Variants in LGALS2 observed in about 807,000 individuals in gnomAD.
LGALS2 encodes the protein galectin-2.
In LGALS2, 7 loss-of-function variants were observed where a neutral mutation model predicts 10.1. That is an observed-to-expected ratio of 0.70 (90% CI 0.40 to 1.31). LGALS2 has a LOEUF of 1.31. LGALS2 is among the 50% of genes most tolerant of loss of function. The pLI is 0.01. For missense variants in LGALS2, 167 were observed against 163.6 expected (o/e 1.02, Z -0.11); for synonymous variants, 86 against 64.2 (o/e 1.34, Z -1.63).
At chr22:37,578,472 GA>G (rs1925751589) in intron 1 of LGALS2, among the ~76,000 whole-genome samples, 2 of 152,168 alleles carry the variant, frequency 1.3e-5, no homozygotes, top group Non-Finnish European at 2.9e-5. Flanking sequence ...ACCTGTAGCA[GA>G]AAAGGTCTCA....
chr22:37,571,398 G>A lies in LGALS2; in HGVS notation c.89+451C>T, dbSNP rs145551279. On this transcript the variant is annotated intron_variant, in intron 2 of 3. Coordinates refer to ENST00000215886, the MANE Select transcript of LGALS2 (RefSeq NM_006498.3). Reference sequence around the variant, plus strand: ...TCGCTGGACTGTGACTCACGGAGGTGGTGAGGCCGCTGGTTCTAACCAAGA... The same window carrying A: ...TCGCTGGACTGTGACTCACGGAGGTAGTGAGGCCGCTGGTTCTAACCAAGA... 1.1e-3 allele frequency among the ~76,000 whole-genome samples: 175 copies of A among 152,312 alleles called. 4 individuals carry two copies. The East Asian group carries it at 0.028, about 25-fold the overall frequency.
chr22:37,570,529 C>T (rs1353131686), intron 3 of LGALS2, 47 bp downstream of exon 3: 2 of 1,611,610 alleles, frequency 1.2e-6, no homozygotes, highest in African/African-American at 2.7e-5. Flanking sequence ...TCCATCTGGG[C>T]CCTCCCCTTG....
At chr22:37,579,263 A>AGAG (rs773317621) in intron 1 of LGALS2, among the ~76,000 whole-genome samples, 1 of 121,278 alleles carries the variant, frequency 8.2e-6, no homozygotes, top group Non-Finnish European at 1.7e-5. Context: ...AAAAAAAAAA[A>AGAG]AGAGAAAGAA....
At chr22:37,575,139 G>T (rs1925633146) in intron 1 of LGALS2, among the ~76,000 whole-genome samples, 2 of 151,574 alleles carry the variant, frequency 1.3e-5, no homozygotes, top group South Asian at 4.2e-4. Context: ...TCCCCTCTGG[G>T]CCTCCCAAAG....
Position 37,570,296 on chromosome 22 carries a change from C to T in LGALS2, c.366G>A (p.Gly122=). Reference sequence around the variant, plus strand: ...TTAACTTGAAAGAGGACATGTTGAACCCGCCCCTTACGCTCAGGTAGCTCA... The same window carrying T: ...TTAACTTGAAAGAGGACATGTTGAATCCGCCCCTTACGCTCAGGTAGCTCA... The part of the protein sequence containing the change: ...SHLSYLSVRG[G]FNMSSFKLKE The change falls in exon 4 of 4, where the codon GGG becomes GGA. Residue 122 remains glycine, a synonymous_variant. Coordinates refer to ENST00000215886, the MANE Select transcript of LGALS2 (RefSeq NM_006498.3). 1 of 1,611,930 alleles carries T rather than the reference C, an allele frequency of 6.2e-7. No individual in the cohort carries two copies. The highest frequency in any genetic ancestry group is 8.5e-7 in the Non-Finnish European group (1 of 1,178,160).
chr22:37,577,532 C>CTTTT lies in LGALS2; in HGVS notation c.6+2367_6+2368insAAAA, dbSNP rs10674228. 2.0e-3 allele frequency among the ~76,000 whole-genome samples: 298 copies of CTTTT among 147,154 alleles called. 5 individuals carry two copies. The highest frequency in any genetic ancestry group is 5.2e-3 in the African/African-American group (207 of 39,784). On this transcript the variant is annotated intron_variant, in intron 1 of 3. Coordinates refer to ENST00000215886, the MANE Select transcript of LGALS2 (RefSeq NM_006498.3). ...ATCTGTCTAATTTTTTTTTCTTCTT[C>CTTTT]TTCTTCTTTTTTGTTTTTGTATTTT...
At chr22:37,576,490 G>C (rs771998043) in intron 1 of LGALS2, among the ~76,000 whole-genome samples, 4 of 148,312 alleles carry the variant, frequency 2.7e-5, no homozygotes, top group African/African-American at 1.0e-4. Context: ...GTCTCTCACT[G>C]ACAAAGACCA....
chr22:37,573,697 T>C (rs1455100609), intron 1 of LGALS2, among the ~76,000 whole-genome samples: 1 of 151,474 alleles, frequency 6.6e-6, no homozygotes, highest in African/African-American at 2.4e-5. Context: ...AGGACCACCA[T>C]CATTTATTGT....
At chr22:37,576,392 C>T (rs1462940260) in intron 1 of LGALS2, among the ~76,000 whole-genome samples, 1 of 142,518 alleles carries the variant, frequency 7.0e-6, no homozygotes, top group Non-Finnish European at 1.5e-5. Context: ...GCGGTGCTTG[C>T]AGTGAGCCAA....
chr22:37,576,308 C>T lies in LGALS2; in HGVS notation c.6+3592G>A, dbSNP rs531199396. Among the ~76,000 whole-genome samples, 311 of 151,872 alleles carry T rather than the reference C, an allele frequency of 2.0e-3. 1 individual carries two copies. The highest frequency in any genetic ancestry group is 6.8e-3 in the Middle Eastern group (2 of 294). ...TCTACTAAAAATACAAAAAATTAGC[C>T]GGGCGTGGTGGCAGGCGCCTGTAGT... is the stretch of plus-strand genomic sequence containing the variant. On this transcript the variant is annotated intron_variant, in intron 1 of 3. Coordinates refer to ENST00000215886, the MANE Select transcript of LGALS2 (RefSeq NM_006498.3).
intron 1 of LGALS2, among the ~76,000 whole-genome samples, chr22:37,576,908 G>A (rs1431738066): frequency 6.6e-6 from 1 of 151,998 alleles, no homozygotes; most frequent in East Asian, 1.9e-4. Flanking sequence ...TGCAGGCCCG[G>A]GAGCCTTGTC....
In LGALS2 at chr22:37,570,303, C is replaced by T; in HGVS notation, c.359G>A (p.Arg120Lys). 1 of 1,613,512 alleles carries T rather than the reference C, an allele frequency of 6.2e-7. No individual in the cohort carries two copies. The highest frequency in any genetic ancestry group is 8.5e-7 in the Non-Finnish European group (1 of 1,179,450). Residue 120 changes from arginine to lysine, a missense_variant, in exon 4 of 4, where the codon AGG becomes AAG. Physicochemically the swap from Arg to Lys is conservative, Grantham distance 26. Transcript: ENST00000215886. ...GHSHLSYLSV[R>K]GGFNMSSFKL... ...GAAAGAGGACATGTTGAACCCGCCC[C>T]TTACGCTCAGGTAGCTCAGGTGGCT...
At chr22:37,576,659 T>C (rs1411957517) in intron 1 of LGALS2, among the ~76,000 whole-genome samples, 1 of 152,106 alleles carries the variant, frequency 6.6e-6, no homozygotes, top group Admixed American at 6.6e-5. Context: ...CCCTGCCTCC[T>C]GCCAGCAGCC....
In LGALS2 at chr22:37,570,421, A is replaced by T. The variant is rs752067086; in HGVS notation, c.250-9T>A. 4.3e-6 allele frequency: 7 copies of T among 1,611,698 alleles called. No homozygotes were observed. The South Asian group carries it at 7.7e-5, about 18-fold the overall frequency. ...TCAAAGGTCACTGTGAACTGTGGGG[A>T]GGGAGGGTGTCAAGGAGGCAGGAGG... On this transcript the variant is annotated splice_polypyrimidine_tract_variant and intron_variant, in intron 3 of 3. Coordinates refer to ENST00000215886, the MANE Select transcript of LGALS2 (RefSeq NM_006498.3).
At chr22:37,577,499 A>G (rs8137504) in intron 1 of LGALS2, among the ~76,000 whole-genome samples, 68,865 of 148,052 alleles carry the variant, frequency 0.47, 16,299 homozygotes, top group African/African-American at 0.52. Flanking sequence ...ACGGGTGCCC[A>G]CCACAACATC....
At chr22:37,577,477 G>T (rs1351882196) in intron 1 of LGALS2, among the ~76,000 whole-genome samples, 1 of 151,098 alleles carries the variant, frequency 6.6e-6, no homozygotes, top group Non-Finnish European at 1.5e-5. Context: ...AGCCTCCCAA[G>T]TAGCTGGGAT....
chr22:37,572,475 TAA>T (rs1925529132), intron 1 of LGALS2, among the ~76,000 whole-genome samples: 1 of 150,436 alleles, frequency 6.6e-6, no homozygotes, highest in Non-Finnish European at 1.5e-5. Flanking sequence ...CTACTAAAAA[TAA>T]AAAAATTGGC....
intron 1 of LGALS2, among the ~76,000 whole-genome samples, chr22:37,575,481 T>A (rs77302990): frequency 0.074 from 11,255 of 151,966 alleles, 1,016 homozygotes; most frequent in African/African-American, 0.22. Flanking sequence ...ACATTTTTTT[T>A]TAAAGGTCTT....
intron 1 of LGALS2, among the ~76,000 whole-genome samples, chr22:37,574,109 T>G (rs1220908383): frequency 6.6e-6 from 1 of 152,194 alleles, no homozygotes; most frequent in Non-Finnish European, 1.5e-5. Context: ...TTGTTAAGAT[T>G]CATCTGCTCC....
Sources: gnomAD v4.1 joint callset for allele counts (sites outside exome capture counted in the v4.1 genomes callset) on GRCh38, gnomAD v4.1.1 for gene constraint, MANE v1.5 for transcripts, NCBI Gene and HGNC (gene_info 2026-07-23, HGNC 2026-07-21) for gene names.